The following IGF2BP2 variants were observed in gnomAD, a reference collection of about 807,000 sequenced individuals.
IGF2BP2 encodes insulin-like growth factor 2 mRNA-binding protein 2.
A neutral mutation model predicts 75.8 loss-of-function variants in IGF2BP2; 17 were observed. That is an observed-to-expected ratio of 0.22 (90% CI 0.15 to 0.34). IGF2BP2 has a LOEUF of 0.34. IGF2BP2 is among the 10% of genes least tolerant of loss of function. The pLI, the probability that IGF2BP2 is intolerant of heterozygous loss-of-function variation, is 1.00. For missense variants in IGF2BP2, 516 were observed against 772.4 expected, an observed-to-expected ratio of 0.67 and a Z score of 3.93; for synonymous variants, 288 against 295.6, an observed-to-expected ratio of 0.97 and a Z score of 0.26.
intron 12 of IGF2BP2, among the ~76,000 whole-genome samples, chr3:185,654,531 C>T (rs569646250): frequency 6.6e-6 from 1 of 152,348 alleles, no homozygotes; most frequent in East Asian, 1.9e-4. Context: ...TTCGTAATGA[C>T]TTGTGGCTGC....
In IGF2BP2 at chr3:185,644,750, A is replaced by C. The variant is rs192515976; in HGVS notation, c.*781T>G. ...CAAAAAACCAGTTTAAAACCTGTGAAGCAAAGAGAAATGGGTGTATGAGCT... is the reference window on the plus strand; with the variant it reads ...CAAAAAACCAGTTTAAAACCTGTGACGCAAAGAGAAATGGGTGTATGAGCT... On this transcript the variant is annotated 3_prime_UTR_variant, in exon 16 of 16. Coordinates refer to ENST00000382199, the MANE Select transcript of IGF2BP2 (RefSeq NM_006548.6). The C allele has an allele frequency of 6.5e-6, 1 of 152,810 alleles. No homozygotes were observed. Among genetic ancestry groups the C allele is most frequent in the East Asian group, 1.9e-4 (1 of 5,186 alleles). 9.5% of individuals were successfully genotyped at this position (152,810 alleles called of 1,614,324 possible). A position where few individuals can be genotyped will look rare whatever the true frequency, so the allele number is the denominator to read the frequency against.
intron 2 of IGF2BP2, among the ~76,000 whole-genome samples, chr3:185,707,110 A>T (rs776500493): frequency 5.1e-4 from 77 of 151,558 alleles, no homozygotes; most frequent in Non-Finnish European, 1.0e-3. Flanking sequence ...CTGTAATCCC[A>T]GTTACTCGAG....
chr3:185,785,354 G>A (rs887932214), intron 2 of IGF2BP2, among the ~76,000 whole-genome samples: 8 of 151,238 alleles, frequency 5.3e-5, no homozygotes, highest in Non-Finnish European at 8.8e-5. Context: ...TGGAGCTTTC[G>A]GGGTAGAGAC....
At chr3:185,780,686 G>A (rs1242509843) in intron 2 of IGF2BP2, among the ~76,000 whole-genome samples, 2 of 152,204 alleles carry the variant, frequency 1.3e-5, no homozygotes, top group South Asian at 2.1e-4. Context: ...GATTCCTTCT[G>A]CTACTGCACA....
intron 2 of IGF2BP2, among the ~76,000 whole-genome samples, chr3:185,737,008 T>C (rs776189108): frequency 2.0e-5 from 3 of 152,262 alleles, no homozygotes; most frequent in African/African-American, 4.8e-5. Context: ...GGGACTCTAA[T>C]TTACAAGCTA....
At chr3:185,679,083 TG>T (rs1290440819) in intron 7 of IGF2BP2, among the ~76,000 whole-genome samples, 1 of 152,192 alleles carries the variant, frequency 6.6e-6, no homozygotes, top group Admixed American at 6.5e-5. Context: ...TAGCCAAGAA[TG>T]GGGAGTTTAA....
At chr3:185,823,310 C>T (rs2150076434) in intron 1 of IGF2BP2, 97 bp from the exon 2 acceptor site, 1 of 912,176 alleles carries the variant, frequency 1.1e-6, no homozygotes, top group Non-Finnish European at 1.7e-6. Context: ...CGGGCTCCGC[C>T]TTCGGGCGCC....
intron 2 of IGF2BP2, among the ~76,000 whole-genome samples, chr3:185,705,244 G>A (rs1360725660): frequency 6.6e-6 from 1 of 152,080 alleles, no homozygotes; most frequent in Non-Finnish European, 1.5e-5. Context: ...CTACAGGTGC[G>A]TACCACCACA....
At chr3:185,798,404 G>A (rs534361479) in intron 2 of IGF2BP2, among the ~76,000 whole-genome samples, 3 of 152,214 alleles carry the variant, frequency 2.0e-5, no homozygotes, top group Non-Finnish European at 2.9e-5. Context: ...CAAATTCTAC[G>A]AGTACAAATA....
At chr3:185,774,259 T>C (rs1017242303) in intron 2 of IGF2BP2, among the ~76,000 whole-genome samples, 3 of 152,170 alleles carry the variant, frequency 2.0e-5, no homozygotes, top group African/African-American at 7.2e-5. Context: ...AGGTTTCAGA[T>C]GTCTGCTTGT....
intron 2 of IGF2BP2, among the ~76,000 whole-genome samples, chr3:185,725,488 A>C (rs1408396033): frequency 6.6e-6 from 1 of 152,200 alleles, no homozygotes; most frequent in Non-Finnish European, 1.5e-5. Flanking sequence ...ACAAAAAGAA[A>C]GAACTTCAAA....
chr3:185,697,196 G>T (rs1379244807), intron 3 of IGF2BP2, among the ~76,000 whole-genome samples: 2 of 152,226 alleles, frequency 1.3e-5, no homozygotes, highest in African/African-American at 4.8e-5. Flanking sequence ...CATCTCCTGG[G>T]TTCCAGTGCA....
chr3:185,646,526 C>T (rs1484816989), intron 15 of IGF2BP2, among the ~76,000 whole-genome samples: 1 of 152,194 alleles, frequency 6.6e-6, no homozygotes, highest in Non-Finnish European at 1.5e-5. Context: ...GAAAGAGAAG[C>T]GGCTGTGTGG....
At chr3:185,727,478 G>C (rs947015060) in intron 2 of IGF2BP2, among the ~76,000 whole-genome samples, 16 of 152,140 alleles carry the variant, frequency 1.1e-4, no homozygotes, top group African/African-American at 3.6e-4. Context: ...CTCACAGGTT[G>C]AACAGGTGAA....
intron 2 of IGF2BP2, among the ~76,000 whole-genome samples, chr3:185,815,179 T>C (rs990997274): frequency 2.0e-5 from 3 of 152,216 alleles, no homozygotes; most frequent in African/African-American, 7.2e-5. Flanking sequence ...TATATAATTA[T>C]AAATGCTTCT....
chr3:185,692,885 T>C (rs1722138123), intron 4 of IGF2BP2, 123 bp from the exon 5 acceptor site: 2 of 755,204 alleles, frequency 2.6e-6, no homozygotes, highest in Non-Finnish European at 4.6e-6. Context: ...TCCACAGTTA[T>C]CTGCATCTCT....
chr3:185,785,220 G>A (rs1266219641), intron 2 of IGF2BP2, among the ~76,000 whole-genome samples: 5 of 150,028 alleles, frequency 3.3e-5, no homozygotes, highest in African/African-American at 1.2e-4. Flanking sequence ...AGAATCGCTT[G>A]AACCTGGGAG....
intron 2 of IGF2BP2, among the ~76,000 whole-genome samples, chr3:185,731,696 C>T (rs1052092121): frequency 6.6e-6 from 1 of 151,994 alleles, no homozygotes; most frequent in African/African-American, 2.4e-5. Context: ...CAGTCTTGGC[C>T]AGGCGCAGTG....
chr3:185,701,580 T>C (rs374288897), intron 2 of IGF2BP2, among the ~76,000 whole-genome samples: 35 of 152,332 alleles, frequency 2.3e-4, no homozygotes, highest in African/African-American at 9.6e-5. Context: ...CCAATGCTGA[T>C]TACCCCAAAT....
Sources: gnomAD v4.1 joint callset for allele counts (sites outside exome capture counted in the v4.1 genomes callset) on GRCh38, gnomAD v4.1.1 for gene constraint, MANE v1.5 for transcripts, NCBI Gene and HGNC (gene_info 2026-07-23, HGNC 2026-07-21) for gene names.